The following RPP30 variants were observed in gnomAD, a reference collection of about 807,000 sequenced individuals.
RPP30 encodes ribonuclease P protein subunit p30.
Under a neutral mutation model 38.6 loss-of-function variants are expected in RPP30, and 36 were observed. The ratio of observed to expected loss-of-function variants is 0.93; its 90% CI spans 0.71 to 1.23. The LOEUF (loss-of-function observed/expected upper bound fraction) is 1.23, where lower values mean the gene tolerates loss of function less well. Among genes scored for constraint, RPP30 ranks in the 50% most tolerant of loss-of-function variants. The pLI is 0.00. For synonymous variants in RPP30, 126 were observed against 112.7 expected (o/e 1.12, Z -0.75); for missense variants, 321 against 321.7 (o/e 1.00, Z 0.02).
At chr10:90,896,905 G>C (rs1564715480) in intron 10 of RPP30, among the ~76,000 whole-genome samples, 1 of 151,990 alleles carries the variant, frequency 6.6e-6, no homozygotes, top group Non-Finnish European at 1.5e-5. Flanking sequence ...TGTCCAGACT[G>C]TACCTTTTTT....
At chr10:90,873,560 G>C (rs539497893) in intron 1 of RPP30, among the ~76,000 whole-genome samples, 9 of 152,360 alleles carry the variant, frequency 5.9e-5, no homozygotes, top group South Asian at 4.1e-4. Flanking sequence ...CCTGATTGGG[G>C]AAGTAAGTAC....
chr10:90,883,108 T>C (rs1484735726), intron 5 of RPP30, among the ~76,000 whole-genome samples: 1 of 152,206 alleles, frequency 6.6e-6, no homozygotes, highest in Non-Finnish European at 1.5e-5. Context: ...TCTCTCTTTT[T>C]CCTTGGTAAG....
At chr10:90,872,899 A>G (rs553280568) in intron 1 of RPP30, among the ~76,000 whole-genome samples, 2 of 152,200 alleles carry the variant, frequency 1.3e-5, no homozygotes, top group South Asian at 4.1e-4. Flanking sequence ...GTCCCTTTCC[A>G]CTGCTGCCAC....
chr10:90,875,951 AC>A (rs2120182931), intron 3 of RPP30, 72 bp from the exon 4 acceptor site: 1 of 868,890 alleles, frequency 1.2e-6, no homozygotes, highest in Non-Finnish European at 1.9e-6. Context: ...TTTAATGAAT[AC>A]TTTCCACTGG....
At chr10:90,885,156 AT>A (rs1306915944) in intron 5 of RPP30, among the ~76,000 whole-genome samples, 1 of 152,242 alleles carries the variant, frequency 6.6e-6, no homozygotes, top group Non-Finnish European at 1.5e-5. Flanking sequence ...AATGCAGAGT[AT>A]TACTCAACAA....
intron 1 of RPP30, 46 bp from the exon 2 acceptor site, chr10:90,874,823 G>A (rs1306378733): frequency 3.8e-6 from 5 of 1,330,330 alleles, no homozygotes; most frequent in Non-Finnish European, 5.4e-6. Context: ...TTACAGGAAG[G>A]AGAGGTTGTT....
In RPP30 at chr10:90,900,702, A is replaced by G. The variant is rs756045304; in HGVS notation, c.*23A>G. On this transcript the variant is annotated 3_prime_UTR_variant, in exon 11 of 11. Coordinates refer to ENST00000371703, the MANE Select transcript of RPP30 (RefSeq NM_006413.5). ...TGAAAAGAATGCCCCAGTCTCTGTCAGCACTCCCTTCTTCCCTTTTATAGT... is the reference window on the plus strand; with the variant it reads ...TGAAAAGAATGCCCCAGTCTCTGTCGGCACTCCCTTCTTCCCTTTTATAGT... 1.2e-6 allele frequency: 2 copies of G among 1,606,672 alleles called. No individual in the cohort carries two copies. Among genetic ancestry groups the G allele is most frequent in the Non-Finnish European group, 1.7e-6 (2 of 1,177,402 alleles).
chr10:90,891,474 G>A (rs1460821228), intron 6 of RPP30, among the ~76,000 whole-genome samples: 2 of 152,182 alleles, frequency 1.3e-5, no homozygotes, highest in Non-Finnish European at 2.9e-5. Context: ...GAGGTACTGA[G>A]GTTTAGGGCT....
In RPP30 at chr10:90,894,687, G is replaced by C; in HGVS notation, c.433-88G>C. 6 of 915,732 alleles carry C rather than the reference G, an allele frequency of 6.6e-6. No individual in the cohort carries two copies. The South Asian group carries it at 8.0e-5, about 12-fold the overall frequency. 56.7% of individuals were successfully genotyped at this position (915,732 alleles called of 1,614,324 possible). A position where few individuals can be genotyped will look rare whatever the true frequency, so the allele number is the denominator to read the frequency against. ...ACATGTAAGGGGTCAGTAGTAGGGA[G>C]TGAGGAGGGATGTGAAGAGAGAATC... On this transcript the variant is annotated intron_variant, in intron 6 of 10. Coordinates refer to ENST00000371703, the MANE Select transcript of RPP30 (RefSeq NM_006413.5).
In RPP30 at chr10:90,901,543, T is replaced by C; in HGVS notation, c.*864T>C. 1.0e-6 allele frequency: 1 copy of C among 985,270 alleles called. No homozygotes were observed. Among genetic ancestry groups the C allele is most frequent in the South Asian group, 4.7e-5 (1 of 21,282 alleles). The allele number at this position is 985,270 out of a possible 1,614,324, so 61.0% of individuals were successfully genotyped here. A position where few individuals can be genotyped will look rare whatever the true frequency, so the allele number is the denominator to read the frequency against. ...CCTACGTAAGGTCTTTGAAATAGGA[T>C]TCCTTACTTTTAGTTAGAAACCCCT... On this transcript the variant is annotated 3_prime_UTR_variant, in exon 11 of 11. Coordinates refer to ENST00000371703, the MANE Select transcript of RPP30 (RefSeq NM_006413.5).
intron 5 of RPP30, among the ~76,000 whole-genome samples, chr10:90,884,607 G>T (rs1846975469): frequency 1.3e-5 from 2 of 152,150 alleles, no homozygotes. Context: ...AAACAACATT[G>T]CTTCCCAGGC....
intron 5 of RPP30, among the ~76,000 whole-genome samples, chr10:90,882,115 A>G (rs147979015): frequency 3.3e-5 from 5 of 152,224 alleles, no homozygotes; most frequent in Admixed American, 2.0e-4. Context: ...ACACAGAGAG[A>G]GAGTTGCATA....
At chr10:90,897,100 T>G (rs756576601) in intron 10 of RPP30, among the ~76,000 whole-genome samples, 1 of 152,174 alleles carries the variant, frequency 6.6e-6, no homozygotes, top group Non-Finnish European at 1.5e-5. Flanking sequence ...ACCTTTTCAC[T>G]GACTGAGTTT....
chr10:90,878,990 A>T, intron 4 of RPP30, 73 bp from the exon 5 acceptor site: 6 of 1,215,064 alleles, frequency 4.9e-6, no homozygotes. Context: ...TATAAGTGTG[A>T]GTCAATCACT....
intron 10 of RPP30, among the ~76,000 whole-genome samples, chr10:90,899,160 G>A (rs975140704): frequency 6.6e-6 from 1 of 152,168 alleles, no homozygotes; most frequent in African/African-American, 2.4e-5. Flanking sequence ...TAGACTATGG[G>A]TACAGAATCA....
intron 5 of RPP30, among the ~76,000 whole-genome samples, chr10:90,881,067 G>A (rs1394905513): frequency 6.6e-6 from 1 of 152,212 alleles, no homozygotes; most frequent in South Asian, 2.1e-4. Context: ...AAAAGTTGCA[G>A]ATGTACCAAG....
At chr10:90,907,973 C>T (rs1362472347), downstream of RPP30, among the ~76,000 whole-genome samples, 1 of 152,176 alleles carries the variant, frequency 6.6e-6, no homozygotes, top group East Asian at 1.9e-4. Flanking sequence ...AACACCTAGG[C>T]TATATGAGCA....
chr10:90,883,628 A>G (rs373357880), intron 5 of RPP30, among the ~76,000 whole-genome samples: 8 of 152,330 alleles, frequency 5.3e-5, no homozygotes, highest in African/African-American at 1.9e-4. Context: ...CACGTACTTA[A>G]ACCAACATAG....
Position 90,902,173 on chromosome 10 carries a change from TA to T in RPP30, c.*1501del. The T allele has an allele frequency of 2.2e-6, 2 of 923,376 alleles. No individual in the cohort carries two copies. Among genetic ancestry groups the T allele is most frequent in the Non-Finnish European group, 2.6e-6 (2 of 769,058 alleles). 57.2% of individuals were successfully genotyped at this position (923,376 alleles called of 1,614,324 possible). The stretch of plus-strand genomic sequence containing the variant: ...ACAAATGTTTAAATAAAATATTGAT[TA>T]AAAAAACATTAAAAGTGCATCATGA... On this transcript the variant is annotated 3_prime_UTR_variant, in exon 11 of 11. Coordinates refer to ENST00000371703, the MANE Select transcript of RPP30 (RefSeq NM_006413.5).
Sources: allele counts gnomAD v4.1 joint callset (sites outside exome capture counted in the v4.1 genomes callset), GRCh38; gene constraint gnomAD v4.1.1; transcripts MANE v1.5; gene names NCBI Gene and HGNC (gene_info 2026-07-23, HGNC 2026-07-21).